The following GPR137C variants were observed in gnomAD, a reference collection of about 807,000 sequenced individuals.
GPR137C encodes the protein integral membrane protein GPR137C.
Under a neutral mutation model 43.4 loss-of-function variants are expected in GPR137C, and 27 were observed. The ratio of observed to expected loss-of-function variants is 0.62; its 90% CI spans 0.46 to 0.86. The LOEUF is 0.86. GPR137C is among the 40% of genes least tolerant of loss of function. The pLI is 0.00. For missense variants in GPR137C, 522 were observed against 534.6 expected (o/e 0.98, Z 0.23); for synonymous variants, 285 against 226.9 (o/e 1.26, Z -2.30).
chr14:52,608,101 T>C (rs2039001565), intron 3 of GPR137C, among the ~76,000 whole-genome samples: 1 of 152,164 alleles, frequency 6.6e-6, no homozygotes. Context: ...GTTTAATCCA[T>C]TTACACTAAA....
At chr14:52,568,322 T>G (rs971076502) in intron 1 of GPR137C, among the ~76,000 whole-genome samples, 28 of 152,118 alleles carry the variant, frequency 1.8e-4, no homozygotes, top group Admixed American at 1.8e-3. Context: ...ACCAGGAGAT[T>G]CCCTTGGGTG....
intron 1 of GPR137C, among the ~76,000 whole-genome samples, chr14:52,596,285 A>G (rs922999069): frequency 2.6e-5 from 4 of 152,204 alleles, no homozygotes; most frequent in African/African-American, 9.6e-5. Flanking sequence ...TCAGGGACCC[A>G]CTTGAGGAGG....
chr14:52,575,249 C>T (rs919878266), intron 1 of GPR137C, among the ~76,000 whole-genome samples: 2 of 152,042 alleles, frequency 1.3e-5, no homozygotes, highest in African/African-American at 2.4e-5. Context: ...TTTAAAAATA[C>T]TTCTACATGG....
At chr14:52,621,093 A>G (rs1471549116) in intron 3 of GPR137C, among the ~76,000 whole-genome samples, 1 of 151,900 alleles carries the variant, frequency 6.6e-6, no homozygotes, top group African/African-American at 2.4e-5. Flanking sequence ...AAATATGAAG[A>G]AAATTTTGTC....
chr14:52,567,681 A>T (rs1333357036), intron 1 of GPR137C, among the ~76,000 whole-genome samples: 1 of 138,838 alleles, frequency 7.2e-6, no homozygotes, highest in African/African-American at 2.7e-5. Flanking sequence ...TTTTTTTGAG[A>T]CAGAGAATCG....
At chr14:52,609,358 A>G (rs755942449) in intron 3 of GPR137C, among the ~76,000 whole-genome samples, 10 of 152,160 alleles carry the variant, frequency 6.6e-5, no homozygotes, top group Non-Finnish European at 1.3e-4. Context: ...TAAAACAGCT[A>G]TTTAAAATTC....
chr14:52,553,960 C>G (rs1160096080), intron 1 of GPR137C, among the ~76,000 whole-genome samples: 1 of 152,150 alleles, frequency 6.6e-6, no homozygotes, highest in African/African-American at 2.4e-5. Context: ...CGAAGCCGGA[C>G]TGTGTTGAGG....
chr14:52,559,743 G>T (rs2038252313), intron 1 of GPR137C, among the ~76,000 whole-genome samples: 1 of 152,336 alleles, frequency 6.6e-6, no homozygotes, highest in African/African-American at 2.4e-5. Context: ...GTCTCTATTT[G>T]TAGGTGACAC....
At position 52,635,262 on chromosome 14, in the gene GPR137C, C is replaced by G; in HGVS notation, c.*147C>G. ...TGGCTGTGTTTGGTAAATAACACAG[C>G]TATTATTTTTGACCTCTTCATAGTA... On this transcript the variant is annotated 3_prime_UTR_variant, in exon 7 of 7. Coordinates refer to ENST00000321662, the MANE Select transcript of GPR137C (RefSeq NM_001099652.2). 1 of 594,008 alleles carries G rather than the reference C, an allele frequency of 1.7e-6. No individual in the cohort carries two copies. The highest frequency in any genetic ancestry group is 4.1e-5 in the Admixed American group (1 of 24,452). 36.8% of individuals were successfully genotyped at this position (594,008 alleles called of 1,614,324 possible).
chr14:52,556,727 T>G (rs1021492834), intron 1 of GPR137C, among the ~76,000 whole-genome samples: 2 of 152,092 alleles, frequency 1.3e-5, no homozygotes, highest in African/African-American at 4.8e-5. Flanking sequence ...AAAGGAGAAT[T>G]GACAGCATCA....
intron 1 of GPR137C, among the ~76,000 whole-genome samples, chr14:52,567,728 C>T (rs12184991): frequency 0.11 from 15,558 of 147,388 alleles, 1,120 homozygotes; most frequent in East Asian, 0.37. Context: ...GGCGTGATCT[C>T]TGCTCACTGC....
At position 52,636,778 on chromosome 14, in the gene GPR137C, G is replaced by T. The variant is rs1203495736; in HGVS notation, c.*1663G>T. 2 of 152,200 alleles carry T rather than the reference G, an allele frequency of 1.3e-5. No individual in the cohort carries two copies. Among genetic ancestry groups the T allele is most frequent in the East Asian group, 1.9e-4 (1 of 5,186 alleles). The allele number at this position is 152,200 out of a possible 1,614,324, so 9.4% of individuals were successfully genotyped here. On this transcript the variant is annotated 3_prime_UTR_variant, in exon 7 of 7. Coordinates refer to ENST00000321662, the MANE Select transcript of GPR137C (RefSeq NM_001099652.2). ...CATATACTTATGTTATTTTGGGTTTGTTTATAATTCTCTCATTGTAACCAA... is the reference window on the plus strand; with the variant it reads ...CATATACTTATGTTATTTTGGGTTTTTTTATAATTCTCTCATTGTAACCAA...
chr14:52,577,512 G>GCGCGCA (rs1566608281), intron 1 of GPR137C, among the ~76,000 whole-genome samples: 3 of 92,022 alleles, frequency 3.3e-5, no homozygotes. Context: ...GCGTGCGCGC[G>GCGCGCA]CGCGCACACA....
chr14:52,615,307 G>A (rs1434962201), intron 3 of GPR137C, among the ~76,000 whole-genome samples: 4 of 152,032 alleles, frequency 2.6e-5, no homozygotes, highest in Non-Finnish European at 5.9e-5. Context: ...TGTCCTACTG[G>A]TTTATGTGTC....
intron 1 of GPR137C, among the ~76,000 whole-genome samples, chr14:52,575,093 C>CAATGAAATGTTTATAGTAAACT (rs2038530803): frequency 6.6e-6 from 1 of 152,076 alleles, no homozygotes; most frequent in Non-Finnish European, 1.5e-5. Flanking sequence ...AAATTATCTT[C>CAATGAAATGTTTATAGTAAACT]AATGAAATGT....
At chr14:52,566,136 T>G (rs2038366050) in intron 1 of GPR137C, among the ~76,000 whole-genome samples, 2 of 152,180 alleles carry the variant, frequency 1.3e-5, no homozygotes, top group South Asian at 4.1e-4. Flanking sequence ...TGATCAAAAT[T>G]TATTTAGGAC....
At chr14:52,592,651 G>A (rs758296042) in intron 1 of GPR137C, among the ~76,000 whole-genome samples, 9 of 152,054 alleles carry the variant, frequency 5.9e-5, no homozygotes, top group Non-Finnish European at 1.0e-4. Flanking sequence ...TTGGTGTATA[G>A]GAATGCTTGT....
chr14:52,556,974 T>G (rs2038204563), intron 1 of GPR137C, among the ~76,000 whole-genome samples: 1 of 152,168 alleles, frequency 6.6e-6, no homozygotes, highest in Admixed American at 6.5e-5. Flanking sequence ...AAAATTAAAT[T>G]CAAAATCTTA....
At chr14:52,575,716 G>A (rs1449798402) in intron 1 of GPR137C, among the ~76,000 whole-genome samples, 2 of 152,150 alleles carry the variant, frequency 1.3e-5, no homozygotes, top group Non-Finnish European at 2.9e-5. Flanking sequence ...AAGAAAACCA[G>A]GATCCCTATG....
Sources: gnomAD v4.1 joint callset for allele counts (sites outside exome capture counted in the v4.1 genomes callset) on GRCh38, gnomAD v4.1.1 for gene constraint, MANE v1.5 for transcripts, NCBI Gene and HGNC (gene_info 2026-07-23, HGNC 2026-07-21) for gene names.